Variants in INPP4B observed in about 807,000 individuals in gnomAD.
INPP4B encodes inositol polyphosphate-4-phosphatase type II B.
INPP4B carries 55 observed loss-of-function variants against 122.5 expected under a neutral mutation model. The observed-to-expected ratio is 0.45, with a 90% CI of 0.36 to 0.56. The LOEUF (loss-of-function observed/expected upper bound fraction) is 0.56, where lower values mean the gene tolerates loss of function less well. INPP4B is among the 20% of genes least tolerant of loss of function. INPP4B has a pLI of 0.00. For missense variants in INPP4B, 1,000 were observed against 1,097.7 expected, an observed-to-expected ratio of 0.91 and a Z score of 1.26; for synonymous variants, 403 against 388.7, an observed-to-expected ratio of 1.04 and a Z score of -0.43.
chr4:142,843,545 A>G (rs1448020356), intron 1 of INPP4B, among the ~76,000 whole-genome samples: 1 of 152,008 alleles, frequency 6.6e-6, no homozygotes, highest in East Asian at 1.9e-4. Context: ...TAAAATCCCC[A>G]TAGTTGTGAA....
At chr4:142,572,000 A>AT (rs912933996) in intron 2 of INPP4B, among the ~76,000 whole-genome samples, 2 of 152,054 alleles carry the variant, frequency 1.3e-5, no homozygotes, top group Admixed American at 6.6e-5. Flanking sequence ...ATATTTCGCC[A>AT]TTTTTTTCCA....
intron 2 of INPP4B, among the ~76,000 whole-genome samples, chr4:142,464,063 T>C (rs1560687414): frequency 6.6e-6 from 1 of 152,168 alleles, no homozygotes; most frequent in Non-Finnish European, 1.5e-5. Context: ...ACAGGTGAAG[T>C]AATTCAGGCA....
intron 17 of INPP4B, among the ~76,000 whole-genome samples, chr4:142,147,441 T>C (rs1811378031): frequency 6.6e-6 from 1 of 152,112 alleles, no homozygotes; most frequent in Non-Finnish European, 1.5e-5. Context: ...AAGCAGAACA[T>C]TCAAAGTTAG....
intron 25 of INPP4B, among the ~76,000 whole-genome samples, chr4:142,046,083 A>C (rs1347842286): frequency 2.0e-5 from 3 of 151,918 alleles, no homozygotes; most frequent in African/African-American, 7.2e-5. Flanking sequence ...AAAAATGTGT[A>C]AACCAATATT....
At chr4:142,757,017 T>A (rs1479871990) in intron 1 of INPP4B, among the ~76,000 whole-genome samples, 1 of 152,198 alleles carries the variant, frequency 6.6e-6, no homozygotes, top group Admixed American at 6.5e-5. Flanking sequence ...CATTATGGTA[T>A]CTTACCTTCA....
At chr4:142,618,459 G>C (rs567879022) in intron 2 of INPP4B, among the ~76,000 whole-genome samples, 3 of 152,002 alleles carry the variant, frequency 2.0e-5, no homozygotes, top group African/African-American at 4.8e-5. Context: ...TTTGATAAAG[G>C]TGTCAAGGAT....
chr4:142,731,592 C>T (rs886915758), intron 1 of INPP4B, among the ~76,000 whole-genome samples: 1 of 152,012 alleles, frequency 6.6e-6, no homozygotes, highest in African/African-American at 2.4e-5. Flanking sequence ...AATAAACTAC[C>T]TCAGGCTCAA....
intron 2 of INPP4B, among the ~76,000 whole-genome samples, chr4:142,716,934 T>C (rs1242496181): frequency 1.3e-5 from 2 of 152,222 alleles, no homozygotes; most frequent in African/African-American, 4.8e-5. Context: ...TATTAAGTGA[T>C]AGGTTAACAT....
intron 17 of INPP4B, among the ~76,000 whole-genome samples, chr4:142,149,487 C>T (rs142739141): frequency 6.6e-6 from 1 of 152,198 alleles, no homozygotes; most frequent in Non-Finnish European, 1.5e-5. Context: ...GCTCCAAAGA[C>T]TTGATTCTTC....
chr4:142,287,414 TCC>T (rs1280258343), intron 9 of INPP4B: 1 of 152,228 alleles, frequency 6.6e-6, no homozygotes, highest in Non-Finnish European at 1.5e-5. Flanking sequence ...GACGATTATA[TCC>T]CCTTTTCTAT....
chr4:142,403,670 A>T (rs948535319), intron 6 of INPP4B, among the ~76,000 whole-genome samples: 2 of 152,226 alleles, frequency 1.3e-5, no homozygotes, highest in African/African-American at 2.4e-5. Flanking sequence ...ATTCATTTTT[A>T]GAGCTGACAT....
chr4:142,023,589 T>C lies in INPP4B; in HGVS notation c.*5193A>G, dbSNP rs1252231527. On this transcript the variant is annotated 3_prime_UTR_variant, in exon 26 of 26. Coordinates refer to ENST00000262992, the MANE Select transcript of INPP4B (RefSeq NM_001101669.3). ...CATCACAAGAATTATCTAGATAATA[T>C]AGCAATATTGCCAAAATTTGAGTCA... 6.6e-6 allele frequency: 1 copy of C among 152,182 alleles called. No individual in the cohort carries two copies. The highest frequency in any genetic ancestry group is 2.4e-5 in the African/African-American group (1 of 41,438). The allele number at this position is 152,182 out of a possible 1,614,324, so 9.4% of individuals were successfully genotyped here. A position where few individuals can be genotyped will look rare whatever the true frequency, so the allele number is the denominator to read the frequency against.
At chr4:142,555,289 GA>G (rs1728901912) in intron 2 of INPP4B, among the ~76,000 whole-genome samples, 1 of 152,182 alleles carries the variant, frequency 6.6e-6, no homozygotes, top group Non-Finnish European at 1.5e-5. Flanking sequence ...ATTGTAGACT[GA>G]AAAAGCTTTG....
chr4:142,545,985 G>A (rs1829603161), intron 2 of INPP4B, among the ~76,000 whole-genome samples: 1 of 151,586 alleles, frequency 6.6e-6, no homozygotes, highest in African/African-American at 2.4e-5. Context: ...TGTTACACAG[G>A]TAAACTTGTG....
intron 25 of INPP4B, among the ~76,000 whole-genome samples, chr4:142,074,778 A>AGATTTCCAAACCC (rs1561029192): frequency 6.6e-6 from 1 of 152,104 alleles, no homozygotes; most frequent in African/African-American, 2.4e-5. Flanking sequence ...AAGTTGTTCA[A>AGATTTCCAAACCC]TGTGCCACAC....
chr4:142,211,724 T>G (rs1844984335), intron 12 of INPP4B, among the ~76,000 whole-genome samples: 1 of 152,234 alleles, frequency 6.6e-6, no homozygotes, highest in Non-Finnish European at 1.5e-5. Flanking sequence ...CTATGTTTCA[T>G]CGATAAAGAG....
intron 4 of INPP4B, 78 bp downstream of exon 4, chr4:142,431,091 A>T: frequency 1.0e-6 from 1 of 967,580 alleles, no homozygotes; most frequent in Non-Finnish European, 1.6e-6. Context: ...CTATGAATGC[A>T]TGTATGTATG....
chr4:142,736,831 C>T (rs529012188), intron 1 of INPP4B, among the ~76,000 whole-genome samples: 2 of 152,232 alleles, frequency 1.3e-5, no homozygotes, highest in East Asian at 1.9e-4. Flanking sequence ...ACTTCCAACA[C>T]TATGTTGAAT....
intron 12 of INPP4B, among the ~76,000 whole-genome samples, chr4:142,222,146 G>A (rs1219979833): frequency 6.6e-6 from 1 of 152,148 alleles, no homozygotes; most frequent in Non-Finnish European, 1.5e-5. Context: ...TTTTAGTAGA[G>A]ACAGGGTTTC....
Sources: allele counts gnomAD v4.1 joint callset (sites outside exome capture counted in the v4.1 genomes callset), GRCh38; gene constraint gnomAD v4.1.1; transcripts MANE v1.5; gene names NCBI Gene and HGNC (gene_info 2026-07-23, HGNC 2026-07-21).